ASAP1: variants seen among roughly 807,000 people sequenced by gnomAD.
The protein encoded by ASAP1 is arf-GAP with SH3 domain, ANK repeat and PH domain-containing protein 1.
ASAP1 carries 43 observed loss-of-function variants against 145.2 expected under a neutral mutation model. That is an observed-to-expected ratio of 0.30 (90% CI 0.23 to 0.38). The LOEUF (loss-of-function observed/expected upper bound fraction) is 0.38, where lower values mean the gene tolerates loss of function less well. ASAP1 is among the 10% of genes least tolerant of loss of function. ASAP1 has a pLI of 1.00. For synonymous variants in ASAP1, 546 were observed against 515.5 expected (o/e 1.06, Z -0.80); for missense variants, 1,018 against 1,355.3 (o/e 0.75, Z 3.91).
chr8:130,401,741 T>G (rs560035106), intron 2 of ASAP1, 144 bp downstream of exon 2: 1 of 695,406 alleles, frequency 1.4e-6, no homozygotes, highest in East Asian at 2.6e-5. Flanking sequence ...TAGAGATCTG[T>G]TCTCCAATAA....
chr8:130,352,268 T>G (rs113256437), intron 3 of ASAP1, among the ~76,000 whole-genome samples: 132 of 151,468 alleles, frequency 8.7e-4, no homozygotes, highest in African/African-American at 3.1e-3. Context: ...AATGGGCTCC[T>G]TAAGTTTAGC....
intron 2 of ASAP1, among the ~76,000 whole-genome samples, chr8:130,373,827 A>G (rs370246015): frequency 4.8e-5 from 7 of 145,780 alleles, no homozygotes; most frequent in Admixed American, 2.1e-4. Context: ...AGCCTGGGTG[A>G]CAGAGTGAGA....
intron 7 of ASAP1, among the ~76,000 whole-genome samples, chr8:130,185,348 G>A (rs936019044): frequency 2.0e-5 from 3 of 152,142 alleles, no homozygotes; most frequent in Non-Finnish European, 4.4e-5. Flanking sequence ...TAAACTATGA[G>A]TCATTAGGCA....
At chr8:130,348,409 A>G (rs1304640827) in intron 3 of ASAP1, among the ~76,000 whole-genome samples, 1 of 152,204 alleles carries the variant, frequency 6.6e-6, no homozygotes, top group Non-Finnish European at 1.5e-5. Flanking sequence ...GTGCTGTCTT[A>G]TCAAGGGGAC....
intron 18 of ASAP1, among the ~76,000 whole-genome samples, chr8:130,121,555 G>C (rs975410621): frequency 1.3e-5 from 2 of 152,074 alleles, no homozygotes. Flanking sequence ...GCCGAGGTGG[G>C]TGAATCACCT....
At chr8:130,394,394 A>C (rs1199706972) in intron 2 of ASAP1, among the ~76,000 whole-genome samples, 1 of 152,162 alleles carries the variant, frequency 6.6e-6, no homozygotes, top group African/African-American at 2.4e-5. Flanking sequence ...TCCCAGGCTT[A>C]TTAGGACAGG....
At chr8:130,171,214 T>A (rs113442745) in intron 9 of ASAP1, among the ~76,000 whole-genome samples, 2,331 of 152,314 alleles carry the variant, frequency 0.015, 64 homozygotes, top group African/African-American at 0.052. Flanking sequence ...CAATCCATCC[T>A]TCCCCACTTC....
At chr8:130,311,994 A>C (rs573769678) in intron 3 of ASAP1, among the ~76,000 whole-genome samples, 1 of 152,244 alleles carries the variant, frequency 6.6e-6, no homozygotes, top group South Asian at 2.1e-4. Context: ...GTAGGTGCAA[A>C]TATACTCTTG....
intron 15 of ASAP1, among the ~76,000 whole-genome samples, chr8:130,132,972 G>T (rs1374397912): frequency 6.6e-6 from 1 of 152,078 alleles, no homozygotes; most frequent in Non-Finnish European, 1.5e-5. Context: ...AATAACAAAA[G>T]TAAGCGAGTG....
intron 26 of ASAP1, among the ~76,000 whole-genome samples, chr8:130,078,362 AT>A (rs2097469395): frequency 6.6e-6 from 1 of 152,002 alleles, no homozygotes; most frequent in Admixed American, 6.5e-5. Context: ...AGGTGCGATC[AT>A]GACTCACTGC....
intron 18 of ASAP1, among the ~76,000 whole-genome samples, chr8:130,120,771 G>C (rs1202915181): frequency 6.6e-6 from 1 of 152,192 alleles, no homozygotes; most frequent in African/African-American, 2.4e-5. Context: ...TGTGGCCATA[G>C]GAAGTATCTG....
At chr8:130,427,047 G>A (rs1278137451) in intron 1 of ASAP1, among the ~76,000 whole-genome samples, 1 of 152,194 alleles carries the variant, frequency 6.6e-6, no homozygotes, top group African/African-American at 2.4e-5. Flanking sequence ...TGTCTAGGAT[G>A]AGGATACATG....
At chr8:130,370,964 T>C (rs1212243491) in intron 2 of ASAP1, among the ~76,000 whole-genome samples, 2 of 152,136 alleles carry the variant, frequency 1.3e-5, no homozygotes, top group Admixed American at 6.5e-5. Context: ...GTTCTGGAAA[T>C]AGACAATGGT....
At chr8:130,422,412 A>C (rs1829756822) in intron 1 of ASAP1, among the ~76,000 whole-genome samples, 1 of 152,184 alleles carries the variant, frequency 6.6e-6, no homozygotes, top group Non-Finnish European at 1.5e-5. Flanking sequence ...ATTCCTTGAT[A>C]GAAAAGTAAA....
intron 1 of ASAP1, among the ~76,000 whole-genome samples, chr8:130,432,191 G>C (rs1830162534): frequency 6.6e-6 from 1 of 151,354 alleles, no homozygotes; most frequent in Non-Finnish European, 1.5e-5. Context: ...AAGGGAGAGA[G>C]GGAGGAAGGG....
chr8:130,112,287 A>G lies in ASAP1; in HGVS notation c.2208T>C (p.Pro736=). Residue 736 remains proline (P), a synonymous_variant, in exon 24 of 30, where the codon CCT becomes CCC. Coordinates refer to ENST00000518721, the MANE Select transcript of ASAP1 (RefSeq NM_018482.4). ...SPIKKERSPR[P]QSFCHSSSIS... ...TGCTGGAGGAGTGGCAGAAGCTCTG[A>G]GGTCTGGGTGAGCGCTCTTTCTTGA... 1 of 1,614,136 alleles carries G rather than the reference A, an allele frequency of 6.2e-7. No homozygotes were observed. Among genetic ancestry groups the G allele is most frequent in the Non-Finnish European group, 8.5e-7 (1 of 1,179,996 alleles).
At chr8:130,361,407 AAGAT>A (rs1826702351) in intron 2 of ASAP1, among the ~76,000 whole-genome samples, 2 of 152,212 alleles carry the variant, frequency 1.3e-5, no homozygotes, top group African/African-American at 4.8e-5. Context: ...GCAAAGAAGA[AAGAT>A]TATTACAACA....
chr8:130,155,333 A>G (rs1433855557), intron 12 of ASAP1, among the ~76,000 whole-genome samples: 6 of 152,168 alleles, frequency 3.9e-5, no homozygotes, highest in African/African-American at 1.4e-4. Context: ...CAATCTTGAG[A>G]TATCTCCTGG....
At chr8:130,307,888 T>A (rs1353468919) in intron 3 of ASAP1, among the ~76,000 whole-genome samples, 1 of 152,178 alleles carries the variant, frequency 6.6e-6, no homozygotes, top group African/African-American at 2.4e-5. Context: ...TTTCCTAATA[T>A]ATAAAATGGA....
Sources: gnomAD v4.1 joint callset for allele counts (sites outside exome capture counted in the v4.1 genomes callset) on GRCh38, gnomAD v4.1.1 for gene constraint, MANE v1.5 for transcripts, NCBI Gene and HGNC (gene_info 2026-07-23, HGNC 2026-07-21) for gene names.